MTOR: variants seen among roughly 807,000 people sequenced by gnomAD.
The protein encoded by MTOR is mechanistic target of rapamycin kinase, also known as serine/threonine-protein kinase mTOR.
Under a neutral mutation model 319.8 loss-of-function variants are expected in MTOR, and 70 were observed. The ratio of observed to expected loss-of-function variants is 0.22; its 90% CI spans 0.18 to 0.27. The LOEUF (loss-of-function observed/expected upper bound fraction) is 0.27. Ranked by LOEUF, MTOR falls within the 10% of genes least tolerant of loss-of-function variation. The pLI is 1.00. For missense variants in MTOR, 1,890 were observed against 3,274.4 expected, an observed-to-expected ratio of 0.58 and a Z score of 10.32; for synonymous variants, 1,183 against 1,211.4, an observed-to-expected ratio of 0.98 and a Z score of 0.49.
intron 31 of MTOR, among the ~76,000 whole-genome samples, chr1:11,147,914 G>A (rs1443069882): frequency 6.6e-6 from 1 of 152,154 alleles, no homozygotes; most frequent in Admixed American, 6.5e-5. Flanking sequence ...TTTAACTCTG[G>A]GAGTAGGAGT....
rs559831141 is a variant in MTOR at position 11,261,399 on chromosome 1, G to A, written c.-15+1046C>T. Among the ~76,000 whole-genome samples, 52 of 151,938 alleles carry A rather than the reference G, an allele frequency of 3.4e-4. No individual in the cohort carries two copies. The South Asian group carries it at 8.3e-3, about 24-fold the overall frequency. On this transcript the variant is annotated intron_variant, in intron 1 of 57. Coordinates refer to ENST00000361445, the MANE Select transcript of MTOR (RefSeq NM_004958.4). ...AGGCAGGAGAATGGCGGGAACCCGG[G>A]AGGCGGAGCTTGCAGTGAGCAGAGA...
intron 2 of MTOR, 125 bp downstream of exon 2, chr1:11,259,123 G>T: frequency 8.5e-7 from 1 of 1,173,078 alleles, no homozygotes; most frequent in South Asian, 1.5e-5. Flanking sequence ...GACAGGTTGG[G>T]TGCCTTTATA....
At chr1:11,260,360 T>C (rs932735064) in intron 1 of MTOR, among the ~76,000 whole-genome samples, 5 of 152,152 alleles carry the variant, frequency 3.3e-5, no homozygotes, top group African/African-American at 1.2e-4. Flanking sequence ...CTGGGCAATA[T>C]GGTGAAACCC....
chr1:11,237,996 T>C lies in MTOR; in HGVS notation c.2055A>G (p.Ala685=), dbSNP rs2100898957. Residue 685 remains alanine (A), a synonymous_variant, in exon 13 of 58, where the codon GCA becomes GCG. Transcript: ENST00000361445. ...GCAAGTTCTCCGCCTGGGCCAGGTG[T>C]GCATCAAAGCGCTCGTCCAGGGACG... ...VLASLDERFD[A]HLAQAENLQA... 3 of 1,614,190 alleles carry C rather than the reference T, an allele frequency of 1.9e-6. No individual in the cohort carries two copies. Among genetic ancestry groups the C allele is most frequent in the Non-Finnish European group, 1.7e-6 (2 of 1,180,030 alleles).
At chr1:11,223,406 G>A (rs1274394936) in intron 19 of MTOR, among the ~76,000 whole-genome samples, 1 of 151,948 alleles carries the variant, frequency 6.6e-6, no homozygotes, top group Non-Finnish European at 1.5e-5. Context: ...AGTATGTATT[G>A]GTGAAATAAT....
Position 11,106,845 on chromosome 1 carries a change from GATCT to G in MTOR, c.*636_*639del. On this transcript the variant is annotated 3_prime_UTR_variant, in exon 58 of 58. Coordinates refer to ENST00000361445, the MANE Select transcript of MTOR (RefSeq NM_004958.4). ...CATCTGCTCAGCCGAGGCTGCCAGC[GATCT>G]GAATAAACCTCCCTACTAGCGGTCA... 1 of 1,313,882 alleles carries G rather than the reference GATCT, an allele frequency of 7.6e-7. No homozygotes were observed. The highest frequency in any genetic ancestry group is 9.9e-7 in the Non-Finnish European group (1 of 1,010,226). 81.4% of individuals were successfully genotyped at this position (1,313,882 alleles called of 1,614,324 possible).
intron 25 of MTOR, among the ~76,000 whole-genome samples, chr1:11,206,914 A>G (rs576578760): frequency 3.5e-4 from 54 of 152,344 alleles, no homozygotes; most frequent in South Asian, 1.2e-3. Flanking sequence ...GTATACATAA[A>G]TGGTTTTTAT....
rs116280432 is a variant in MTOR at position 11,184,498 on chromosome 1, T to C, written c.4253+14760A>G. ...CCTATAATCCTAGCACTTCGGGAGG[T>C]TGAGATGGGAAGATCTCTTGAGGCT... On this transcript the variant is annotated intron_variant, in intron 28 of 57. Transcript: ENST00000361445. Among the ~76,000 whole-genome samples, 418 of 152,158 alleles carry C rather than the reference T, an allele frequency of 2.7e-3. 8 individuals are homozygous for C. The highest frequency in any genetic ancestry group is 9.3e-3 in the African/African-American group (387 of 41,500).
At chr1:11,242,789 T>C (rs1207755302) in intron 9 of MTOR, among the ~76,000 whole-genome samples, 1 of 152,224 alleles carries the variant, frequency 6.6e-6, no homozygotes, top group South Asian at 2.1e-4. Flanking sequence ...AGGATTCCTC[T>C]CTTTAGGTCT....
At position 11,127,287 on chromosome 1, in the gene MTOR, A is replaced by G; in HGVS notation, c.6217-143T>C. 8 of 1,184,710 alleles carry G rather than the reference A, an allele frequency of 6.8e-6. No homozygotes were observed. Among genetic ancestry groups the G allele is most frequent in the Non-Finnish European group, 9.4e-6 (8 of 853,820 alleles). 73.4% of individuals were successfully genotyped at this position (1,184,710 alleles called of 1,614,324 possible). A position where few individuals can be genotyped will look rare whatever the true frequency, so the allele number is the denominator to read the frequency against. Reference sequence around the variant, plus strand: ...GCAGGGGGCTGGAGAAAGCAAGAGCATAGGTGCAGGCCTCCAACCCTGGAG... The same window carrying G: ...GCAGGGGGCTGGAGAAAGCAAGAGCGTAGGTGCAGGCCTCCAACCCTGGAG... On this transcript the variant is annotated intron_variant, in intron 44 of 57. Transcript: ENST00000361445. This position sits in a 1 kb window ranked among gnomAD's most constrained non-coding sequence, Gnocchi z 5.5.
chr1:11,251,651 GTTTC>G (rs1320469254), intron 6 of MTOR, among the ~76,000 whole-genome samples: 1 of 130,824 alleles, frequency 7.6e-6, no homozygotes, highest in African/African-American at 3.0e-5. Context: ...TATTTAGATA[GTTTC>G]TTTTTTTTTT....
chr1:11,109,228 C>A lies in MTOR; in HGVS notation c.7528+62G>T, dbSNP rs1036378834. 27 of 1,500,092 alleles carry A rather than the reference C, an allele frequency of 1.8e-5. No individual in the cohort carries two copies. The highest frequency in any genetic ancestry group is 1.7e-4 in the Admixed American group (10 of 57,456). 92.9% of individuals were successfully genotyped at this position (1,500,092 alleles called of 1,614,324 possible). A position where few individuals can be genotyped will look rare whatever the true frequency, so the allele number is the denominator to read the frequency against. On this transcript the variant is annotated intron_variant, in intron 56 of 57. Transcript: ENST00000361445. The surrounding 1 kb of genome is among the most constrained non-coding windows in gnomAD (Gnocchi z 4.0). The stretch of plus-strand genomic sequence containing the variant: ...CCACTGGACATGGGGCTGACCACCA[C>A]TCAGAGAGGAAAGTGTGCTCAGATT...
At chr1:11,205,635 G>A (rs2100768677) in intron 25 of MTOR, among the ~76,000 whole-genome samples, 1 of 152,214 alleles carries the variant, frequency 6.6e-6, no homozygotes, top group East Asian at 1.9e-4. Context: ...GTATTTTGCA[G>A]CTGAGCCTCA....
Position 11,199,339 on chromosome 1 carries a change from C to T in MTOR, c.4172G>A (p.Arg1391Gln), listed in dbSNP as rs773445500. The T allele has an allele frequency of 1.2e-6, 2 of 1,614,140 alleles. No individual in the cohort carries two copies. The highest frequency in any genetic ancestry group is 1.7e-6 in the Non-Finnish European group (2 of 1,180,028). ...VLLGERAAKC[R>Q]AYAKALHYKE... ...GTAGTGTAGTGCTTTGGCATATGCT[C>T]GGCACTTGGCAGCTCTCTCACCCAG... is the stretch of plus-strand genomic sequence containing the variant. Residue 1391 changes from arginine to glutamine, a missense_variant, in exon 28 of 58, where the codon CGA becomes CAA. Physicochemically the swap from Arg to Gln is conservative, Grantham distance 43. This residue lies in a region of MTOR where 45 missense variants were observed against 107.2 expected (regional missense o/e 0.42). Coordinates refer to ENST00000361445, the MANE Select transcript of MTOR (RefSeq NM_004958.4). This position sits in a 1 kb window ranked among gnomAD's most constrained non-coding sequence, Gnocchi z 4.5.
intron 30 of MTOR, among the ~76,000 whole-genome samples, chr1:11,152,670 A>G (rs1644189461): frequency 6.6e-6 from 1 of 152,124 alleles, no homozygotes; most frequent in African/African-American, 2.4e-5. Flanking sequence ...GCAGATAAGA[A>G]TGGGGAAATG....
chr1:11,126,616 C>A lies in MTOR; in HGVS notation c.6526+6G>T, dbSNP rs370471922. On this transcript the variant is annotated splice_donor_region_variant and intron_variant, in intron 46 of 57. Transcript: ENST00000361445. ...GTGGGTGACAGAAGTGCACAATGGT[C>A]CTTACCCATAAGTGTCAATTTCCGG... is the stretch of plus-strand genomic sequence containing the variant. 6.2e-7 allele frequency: 1 copy of A among 1,613,618 alleles called. No homozygotes were observed. The highest frequency in any genetic ancestry group is 1.1e-5 in the South Asian group (1 of 91,008).
chr1:11,155,113 G>A (rs1189831019), intron 30 of MTOR, among the ~76,000 whole-genome samples: 2 of 152,108 alleles, frequency 1.3e-5, no homozygotes, highest in Non-Finnish European at 2.9e-5. Context: ...CTTTGATTTT[G>A]TCCAATATTC....
At chr1:11,118,228 A>AG (rs1557742913) in intron 49 of MTOR, among the ~76,000 whole-genome samples, 1 of 120,766 alleles carries the variant, frequency 8.3e-6, no homozygotes, top group Non-Finnish European at 1.6e-5. Context: ...AACTTAGTTA[A>AG]TTTTTTTTTT....
chr1:11,122,269 T>C, intron 47 of MTOR, 143 bp from the exon 48 acceptor site: 1 of 1,004,928 alleles, frequency 1.0e-6, no homozygotes. Flanking sequence ...AGTGGCACAA[T>C]CTTGGCTCAC....
Sources: gnomAD v4.1 joint callset for allele counts (sites outside exome capture counted in the v4.1 genomes callset) on GRCh38, gnomAD v4.1.1 for gene constraint, gnomAD v4.1.1 regional missense constraint, Gnocchi (gnomAD v3.1) non-coding constraint, MANE v1.5 for transcripts, NCBI Gene and HGNC (gene_info 2026-07-23, HGNC 2026-07-21) for gene names.